NOP14: variants seen among roughly 807,000 people sequenced by gnomAD.
NOP14 encodes NOP14 nucleolar protein.
A neutral mutation model predicts 101.6 loss-of-function variants in NOP14; 57 were observed. The ratio of observed to expected loss-of-function variants is 0.56; its 90% CI spans 0.45 to 0.70. The LOEUF is 0.70. NOP14 is among the 30% of genes least tolerant of loss of function. The pLI is 0.00. For synonymous variants in NOP14, 428 were observed against 424.0 expected (o/e 1.01, Z -0.12); for missense variants, 1,134 against 1,075.5 (o/e 1.05, Z -0.76).
chr4:2,962,424 G>A (rs1435320059), intron 1 of NOP14, among the ~76,000 whole-genome samples: 1 of 152,176 alleles, frequency 6.6e-6, no homozygotes, highest in Non-Finnish European at 1.5e-5. Flanking sequence ...TGCACACTGT[G>A]ATGAACAGAG....
chr4:2,939,558 G>A lies in NOP14; in HGVS notation c.2287C>T (p.Leu763=), dbSNP rs1276581684. The A allele has an allele frequency of 2.5e-6, 4 of 1,613,882 alleles. No individual in the cohort carries two copies. Among genetic ancestry groups the A allele is most frequent in the Non-Finnish European group, 3.4e-6 (4 of 1,180,028 alleles). ...ACCAGCCGGGGTGTGAAAAGCTTCAGTGGGACAGGCTTGCTCTTCTCACAG... is the reference window on the plus strand; with the variant it reads ...ACCAGCCGGGGTGTGAAAAGCTTCAATGGGACAGGCTTGCTCTTCTCACAG... ...LTCEKSKPVP[L]KLFTPRLVKV... The change falls in exon 16 of 18, where the codon CTG becomes TTG. Residue 763 remains leucine (L), a synonymous_variant. Coordinates refer to ENST00000416614, the MANE Select transcript of NOP14 (RefSeq NM_001291978.2).
chr4:2,962,440 G>C (rs1055023651), intron 1 of NOP14, among the ~76,000 whole-genome samples: 7 of 152,164 alleles, frequency 4.6e-5, no homozygotes, highest in African/African-American at 1.7e-4. Flanking sequence ...CAGAGATCAG[G>C]AGCTCATGAA....
chr4:2,947,447 T>G, intron 10 of NOP14, 79 bp downstream of exon 10: 1 of 990,530 alleles, frequency 1.0e-6, no homozygotes, highest in Non-Finnish European at 1.6e-6. Flanking sequence ...AACTCTGGAA[T>G]GTATTTTTAT....
intron 12 of NOP14, among the ~76,000 whole-genome samples, chr4:2,944,632 C>T (rs1282836026): frequency 2.0e-5 from 3 of 152,152 alleles, no homozygotes; most frequent in South Asian, 2.1e-4. Flanking sequence ...GTCTTGAACT[C>T]CCGACCTCAG....
chr4:2,958,295 C>T (rs1715485309), intron 1 of NOP14, among the ~76,000 whole-genome samples: 2 of 152,122 alleles, frequency 1.3e-5, no homozygotes, highest in Admixed American at 1.3e-4. Flanking sequence ...TGGTTATTTT[C>T]CCAGCAGCAA....
At chr4:2,944,616 A>G (rs1714473279) in intron 12 of NOP14, among the ~76,000 whole-genome samples, 1 of 152,148 alleles carries the variant, frequency 6.6e-6, no homozygotes, top group Admixed American at 6.5e-5. Context: ...CATGTTGGCC[A>G]CACTGGTCTT....
intron 2 of NOP14, 133 bp from the exon 3 acceptor site, chr4:2,956,944 A>G: frequency 2.6e-6 from 2 of 754,786 alleles, no homozygotes; most frequent in Non-Finnish European, 4.1e-6. Flanking sequence ...CTTAAAGAGT[A>G]TTTTGGGTCA....
chr4:2,942,350 A>C lies in NOP14; in HGVS notation c.1893T>G (p.Gly631=), dbSNP rs759874022. The change falls in exon 14 of 18, where the codon GGT becomes GGG. Residue 631 remains glycine, a splice_region_variant and synonymous_variant. Transcript: ENST00000416614. The part of the protein sequence containing the change: ...YIATPNKASQ[G]STLVHPFRAL... ...CTCTGAAAGGGTGCACCAGAGTGGA[A>C]CCTGAATTCCAAGTGCGACAGGACA... 1 of 1,612,736 alleles carries C rather than the reference A, an allele frequency of 6.2e-7. No homozygotes were observed. Among genetic ancestry groups the C allele is most frequent in the South Asian group, 1.1e-5 (1 of 90,970 alleles).
In NOP14 at chr4:2,946,414, C is replaced by T. The variant is rs1230524057; in HGVS notation, c.1633G>A (p.Val545Met). 1.2e-6 allele frequency: 2 copies of T among 1,614,242 alleles called. No individual in the cohort carries two copies. The highest frequency in any genetic ancestry group is 1.7e-5 in the Admixed American group (1 of 60,036). The stretch of plus-strand genomic sequence containing the variant: ...TGCCTAGACTGAACTCTGCTTACCA[C>T]ATCCAACCCTGGCAATGCCGCCCGG... ...KGRAALPGLDVLIYLKITGLL... is the reference protein window; with the variant it reads ...KGRAALPGLDMLIYLKITGLL... Residue 545 changes from valine to methionine, a missense_variant and splice_region_variant, in exon 11 of 18, where the codon GTG becomes ATG. Transcript: ENST00000416614.
At position 2,953,606 on chromosome 4, in the gene NOP14, T is replaced by C. The variant is rs1715164000; in HGVS notation, c.652A>G (p.Thr218Ala). ...TTCCAGTCTTGGTCTAGCTTCTCCG[T>C]GAGCTCGAGGGCATCTTCTCGTTGA... ...QAQREDALEL[T>A]EKLDQDWKEI... The change falls in exon 5 of 18, where the codon ACG becomes GCG. Residue 218 changes from threonine to alanine, a missense_variant. By Grantham distance (58) the Thr-to-Ala change is moderately conservative (BLOSUM62 0). Coordinates refer to ENST00000416614, the MANE Select transcript of NOP14 (RefSeq NM_001291978.2). The C allele has an allele frequency of 1.2e-6, 2 of 1,614,210 alleles. No homozygotes were observed. Among genetic ancestry groups the C allele is most frequent in the Non-Finnish European group, 1.7e-6 (2 of 1,180,034 alleles).
rs552756097 is a variant in NOP14, at chr4:2,963,298, C to A, written c.22G>T (p.Gly8Trp). ...GCCCCGGAGGCCTTCCTTCGCGCCC[C>A]GACCTTCTTCGCCTTCGCCATGGCG... is the stretch of plus-strand genomic sequence containing the variant. MAKAKKV[G>W]ARRKASGAPA... Residue 8 changes from glycine to tryptophan, a missense_variant, in exon 1 of 18, where the codon GGG (glycine) becomes TGG (tryptophan). Gly to Trp is a radical substitution (Grantham distance 184, BLOSUM62 -2). Coordinates refer to ENST00000416614, the MANE Select transcript of NOP14 (RefSeq NM_001291978.2). 8.2e-5 allele frequency: 130 copies of A among 1,592,216 alleles called. No individual in the cohort carries two copies. Among genetic ancestry groups the A allele is most frequent in the Middle Eastern group, 6.7e-4 (4 of 6,014 alleles).
Position 2,942,214 on chromosome 4 carries a change from A to G in NOP14, c.2029T>C (p.Ser677Pro). 6.2e-7 allele frequency: 1 copy of G among 1,614,104 alleles called. No individual in the cohort carries two copies. The highest frequency in any genetic ancestry group is 8.5e-7 in the Non-Finnish European group (1 of 1,179,992). Residue 677 changes from serine (S) to proline (P), a missense_variant, in exon 14 of 18, where the codon TCG becomes CCG. Ser to Pro is a moderately conservative substitution (Grantham distance 74, BLOSUM62 -1). Transcript: ENST00000416614. The stretch of plus-strand genomic sequence containing the variant: ...TACCGGATGTGATTGGCCTCTGTCG[A>G]AGTTGGGGCCCTCAGTCTACTCGCC... Reference protein sequence around the residue: ...RWASRLRAPTSTEANHIRLSC... With the variant: ...RWASRLRAPTPTEANHIRLSC...
rs1472670255 is a variant in NOP14, at chr4:2,951,198, A to T, written c.918T>A (p.Val306=). 4 of 1,614,010 alleles carry T rather than the reference A, an allele frequency of 2.5e-6. No homozygotes were observed. The highest frequency in any genetic ancestry group is 1.3e-5 in the African/African-American group (1 of 75,062). The part of the protein sequence containing the change: ...RMLGKDEDEN[V]KKPKHMSADD... ...CTGCTGACATATGTTTTGGTTTCTT[A>T]ACATTTTCATCCTCATCCTTTCCAA... The change falls in exon 7 of 18, where the codon GTT becomes GTA. Residue 306 remains valine, a synonymous_variant. Coordinates refer to ENST00000416614, the MANE Select transcript of NOP14 (RefSeq NM_001291978.2).
In NOP14 at chr4:2,939,182, C is replaced by T. The variant is rs912331906; in HGVS notation, c.2474+6G>A. ...CAATCGTGTCGCACACACACGTCCC[C>T]CTCACCGTTCCATGATTTCTGAGAG... On this transcript the variant is annotated splice_donor_region_variant and intron_variant, in intron 17 of 17. Coordinates refer to ENST00000416614, the MANE Select transcript of NOP14 (RefSeq NM_001291978.2). 1 of 1,613,896 alleles carries T rather than the reference C, an allele frequency of 6.2e-7. No individual in the cohort carries two copies. Among genetic ancestry groups the T allele is most frequent in the Non-Finnish European group, 8.5e-7 (1 of 1,180,016 alleles).
At chr4:2,948,514 G>A (rs1025950385) in intron 8 of NOP14, 106 bp from the exon 9 acceptor site, 3 of 866,390 alleles carry the variant, frequency 3.5e-6, no homozygotes, top group African/African-American at 3.7e-5. Context: ...GAGTGCAGTG[G>A]TGCAATCTCA....
At chr4:2,947,878 C>G (rs1224136553) in intron 9 of NOP14, among the ~76,000 whole-genome samples, 1 of 152,242 alleles carries the variant, frequency 6.6e-6, no homozygotes, top group African/African-American at 2.4e-5. Context: ...GAAAGCACGA[C>G]GAGGAACACG....
intron 1 of NOP14, chr4:2,961,251 T>C (rs1715866330): frequency 6.8e-6 from 1 of 146,876 alleles, no homozygotes; most frequent in Non-Finnish European, 1.5e-5. Flanking sequence ...ATATAGTAAC[T>C]ATATTAATAA....
chr4:2,952,498 G>A (rs1174526205), intron 5 of NOP14, 101 bp from the exon 6 acceptor site: 5 of 1,092,966 alleles, frequency 4.6e-6, no homozygotes, highest in Admixed American at 2.8e-5. Context: ...GTAATGGCTA[G>A]ATAATGTTAT....
At chr4:2,943,424 C>G (rs889710364) in intron 13 of NOP14, among the ~76,000 whole-genome samples, 2 of 152,218 alleles carry the variant, frequency 1.3e-5, no homozygotes, top group Non-Finnish European at 2.9e-5. Context: ...CTGTGCAGCT[C>G]CTCACCCCCC....
Sources: allele counts gnomAD v4.1 joint callset (sites outside exome capture counted in the v4.1 genomes callset), GRCh38; gene constraint gnomAD v4.1.1; transcripts MANE v1.5; gene names NCBI Gene and HGNC (gene_info 2026-07-23, HGNC 2026-07-21).